The following ABCC1 variants were observed in gnomAD, a reference collection of about 807,000 sequenced individuals.
The protein encoded by ABCC1 is multidrug resistance-associated protein 1.
A neutral mutation model predicts 172.9 loss-of-function variants in ABCC1; 83 were observed. That is an observed-to-expected ratio of 0.48 (90% CI 0.40 to 0.58). The LOEUF (loss-of-function observed/expected upper bound fraction) is 0.58, where lower values mean the gene tolerates loss of function less well. Among genes scored for constraint, ABCC1 ranks in the 20% least tolerant of loss-of-function variants. ABCC1 has a pLI of 0.00. For missense variants in ABCC1, 1,817 were observed against 2,002.7 expected, an observed-to-expected ratio of 0.91 and a Z score of 1.77; for synonymous variants, 937 against 825.2, an observed-to-expected ratio of 1.14 and a Z score of -2.32.
chr16:16,078,981 C>G (rs934934502), intron 15 of ABCC1, among the ~76,000 whole-genome samples: 2 of 152,182 alleles, frequency 1.3e-5, no homozygotes, highest in Non-Finnish European at 2.9e-5. Context: ...CCGTGTCCGG[C>G]CCCAGTTTGT....
chr16:16,055,541 C>T lies in ABCC1; in HGVS notation c.1474-551C>T, dbSNP rs558807655. Among the ~76,000 whole-genome samples the T allele has an allele frequency of 1.2e-3, 166 of 142,206 alleles. 1 individual carries two copies. Among genetic ancestry groups the T allele is most frequent in the African/African-American group, 4.1e-3 (145 of 35,784 alleles). 93.3% of individuals were successfully genotyped at this position (142,206 alleles called of 152,430 possible). On this transcript the variant is annotated intron_variant, in intron 11 of 30. Transcript: ENST00000399410. ...CTCCAGCCTGGGCAAGAGAGCGAGA[C>T]TCCGTCACAAAAAAAAAAAGAAAAA...
chr16:16,101,015 AT>A (rs71900391), intron 19 of ABCC1, among the ~76,000 whole-genome samples: 28,471 of 149,500 alleles, frequency 0.19, 3,283 homozygotes, highest in African/African-American at 0.33. Flanking sequence ...TGTTTTTTAG[AT>A]TTTTTTTTTA....
At chr16:16,113,758 A>G (rs2044727089) in intron 22 of ABCC1, among the ~76,000 whole-genome samples, 1 of 152,208 alleles carries the variant, frequency 6.6e-6, no homozygotes, top group Admixed American at 6.5e-5. Flanking sequence ...CTGTTCTAAA[A>G]CAGCGATCCC....
At chr16:15,989,354 A>G (rs550206563) in intron 1 of ABCC1, among the ~76,000 whole-genome samples, 4 of 152,264 alleles carry the variant, frequency 2.6e-5, no homozygotes, top group Admixed American at 2.0e-4. Context: ...CTCTCACCTC[A>G]TGGCCCTGCC....
At chr16:16,053,852 T>C (rs185707796) in intron 11 of ABCC1, among the ~76,000 whole-genome samples, 25 of 129,570 alleles carry the variant, frequency 1.9e-4, no homozygotes, top group African/African-American at 7.1e-4. Context: ...TAAAAGGGGA[T>C]ACCCCCTTCC....
intron 19 of ABCC1, among the ~76,000 whole-genome samples, chr16:16,094,942 C>T (rs1183342294): frequency 2.0e-5 from 3 of 151,410 alleles, no homozygotes; most frequent in African/African-American, 4.9e-5. Flanking sequence ...CTCAGCCTCT[C>T]GAGTAGCTGG....
At position 16,111,434 on chromosome 16, in the gene ABCC1, C is replaced by T. The variant is rs1233946142; in HGVS notation, c.2931C>T (p.Leu977=). The part of the protein sequence containing the change: ...MKAIGLFISF[L]SIFLFMCNHV... ...CCATCGGACTCTTCATCTCCTTCCT[C>T]AGCATCTTCCTTTTCATGTGTAACC... Residue 977 remains leucine (L), a synonymous_variant, in exon 22 of 31, where the codon CTC becomes CTT. Coordinates refer to ENST00000399410, the MANE Select transcript of ABCC1 (RefSeq NM_004996.4). 2 of 1,614,180 alleles carry T rather than the reference C, an allele frequency of 1.2e-6. No individual in the cohort carries two copies. Among genetic ancestry groups the T allele is most frequent in the South Asian group, 1.1e-5 (1 of 91,076 alleles).
At chr16:15,979,437 G>C (rs1035626287) in intron 1 of ABCC1, among the ~76,000 whole-genome samples, 4 of 152,170 alleles carry the variant, frequency 2.6e-5, no homozygotes, top group African/African-American at 9.7e-5. Context: ...AGGTGCTAAA[G>C]GCAGCACGTG....
intron 23 of ABCC1, 81 bp from the exon 24 acceptor site, chr16:16,121,894 A>C: frequency 6.7e-7 from 1 of 1,493,184 alleles, no homozygotes; most frequent in East Asian, 2.3e-5. Context: ...TTACGTCTAG[A>C]TGTTCTCCAG....
chr16:16,053,954 G>A (rs1306485698), intron 11 of ABCC1, among the ~76,000 whole-genome samples: 2 of 151,056 alleles, frequency 1.3e-5, no homozygotes, highest in African/African-American at 4.9e-5. Context: ...GTATAGTTTG[G>A]TTTGTTTTTA....
chr16:16,082,808 T>C (rs993813097), intron 16 of ABCC1, among the ~76,000 whole-genome samples: 1 of 152,178 alleles, frequency 6.6e-6, no homozygotes, highest in Non-Finnish European at 1.5e-5. Context: ...GCGCCATGCC[T>C]GGCTAATTTT....
chr16:16,085,088 G>T (rs1167489919), intron 17 of ABCC1, among the ~76,000 whole-genome samples: 1 of 152,210 alleles, frequency 6.6e-6, no homozygotes, highest in East Asian at 1.9e-4. Flanking sequence ...CACAGCCACA[G>T]AGCTGCAGAG....
rs547971641 is a variant in ABCC1 at position 16,132,678 on chromosome 16, T to C, written c.3966+743T>C. Among the ~76,000 whole-genome samples, 6 of 151,724 alleles carry C rather than the reference T, an allele frequency of 4.0e-5. No individual in the cohort carries two copies. In the South Asian group the frequency reaches 8.3e-4, roughly 21 times the overall value. ...CTGGGACTACAGGCATGCGCCACCA[T>C]GCCTAGCTAATTTTTGTGTTATTAG... On this transcript the variant is annotated intron_variant, in intron 27 of 30. Coordinates refer to ENST00000399410, the MANE Select transcript of ABCC1 (RefSeq NM_004996.4).
At chr16:16,034,615 T>C in intron 6 of ABCC1, among the ~76,000 whole-genome samples, 1 of 125,618 alleles carries the variant, frequency 8.0e-6, no homozygotes, top group Admixed American at 9.5e-5. Context: ...TGAGATGGAG[T>C]CTTGCTCTGT....
intron 7 of ABCC1, among the ~76,000 whole-genome samples, chr16:16,038,562 G>GC (rs2048844518): frequency 6.6e-6 from 1 of 152,132 alleles, no homozygotes; most frequent in Admixed American, 6.6e-5. Context: ...CCCACATGGG[G>GC]CGAGGATGGA....
chr16:15,971,369 G>A (rs999117780), intron 1 of ABCC1, among the ~76,000 whole-genome samples: 1 of 152,170 alleles, frequency 6.6e-6, no homozygotes, highest in Non-Finnish European at 1.5e-5. Context: ...TGTGGGAATC[G>A]CCATGTTTGG....
At position 16,015,796 on chromosome 16, in the gene ABCC1, C is replaced by A. The variant is rs1048254977; in HGVS notation, c.490-700C>A. ...CCCTGACTGGGTGCCATAACACTCC[C>A]AAGTTACCACAAAGAAGATATCCCC... On this transcript the variant is annotated intron_variant, in intron 4 of 30. Coordinates refer to ENST00000399410, the MANE Select transcript of ABCC1 (RefSeq NM_004996.4). Among the ~76,000 whole-genome samples the A allele has an allele frequency of 2.0e-4, 30 of 152,144 alleles. 1 individual carries two copies.
At chr16:16,138,810 A>G (rs987416981) in intron 30 of ABCC1, among the ~76,000 whole-genome samples, 1 of 151,064 alleles carries the variant, frequency 6.6e-6, no homozygotes, top group African/African-American at 2.4e-5. Flanking sequence ...CTGGGGTTCA[A>G]GCATTTCTCC....
intron 5 of ABCC1, among the ~76,000 whole-genome samples, chr16:16,020,406 C>T (rs932747410): frequency 6.6e-6 from 1 of 152,196 alleles, no homozygotes; most frequent in Non-Finnish European, 1.5e-5. Context: ...TGCCATTTAC[C>T]TTTTTGCAGA....
Sources: allele counts gnomAD v4.1 joint callset (sites outside exome capture counted in the v4.1 genomes callset), GRCh38; gene constraint gnomAD v4.1.1; transcripts MANE v1.5; gene names NCBI Gene and HGNC (gene_info 2026-07-23, HGNC 2026-07-21).